STK3: variants seen among roughly 807,000 people sequenced by gnomAD.
STK3 encodes serine/threonine-protein kinase 3.
A neutral mutation model predicts 58.0 loss-of-function variants in STK3; 41 were observed. The observed-to-expected ratio is 0.71, with a 90% CI of 0.55 to 0.92. The LOEUF (loss-of-function observed/expected upper bound fraction) is 0.92. Ranked by LOEUF, STK3 falls within the 40% of genes least tolerant of loss-of-function variation. The pLI is 0.00. For missense variants in STK3, 479 were observed against 602.7 expected, an observed-to-expected ratio of 0.79 and a Z score of 2.15; for synonymous variants, 170 against 191.0, an observed-to-expected ratio of 0.89 and a Z score of 0.91.
At chr8:98,829,943 G>GA (rs1292412934), upstream of STK3, among the ~76,000 whole-genome samples, 2 of 152,086 alleles carry the variant, frequency 1.3e-5, no homozygotes, top group Non-Finnish European at 2.9e-5. Flanking sequence ...TGGAGGGGAA[G>GA]AGGCCGGACG....
At chr8:98,869,026 G>GGAAGGAAGGAAGGAAGGAAGGAAA (rs1837253290) in intron 3 of STK3, among the ~76,000 whole-genome samples, 2 of 41,768 alleles carry the variant, frequency 4.8e-5, no homozygotes, top group African/African-American at 1.5e-4. Context: ...AAGGAAAGAA[G>GGAAGGAAGGAAGGAAGGAAGGAAA]GAAGGAAGGA....
At chr8:98,651,846 C>T in intron 6 of STK3, 1 of 152,170 alleles carries the variant, frequency 6.6e-6, no homozygotes, top group East Asian at 1.9e-4. Flanking sequence ...AAGACCAGAT[C>T]TACGTCTGAT....
At chr8:98,604,310 C>A (rs1272641018) in intron 6 of STK3, among the ~76,000 whole-genome samples, 1 of 152,224 alleles carries the variant, frequency 6.6e-6, no homozygotes, top group Admixed American at 6.5e-5. Flanking sequence ...ATCCAGGGCA[C>A]ACTGATAAAA....
chr8:98,824,882 T>G (rs1835150461), intron 1 of STK3, among the ~76,000 whole-genome samples: 1 of 152,266 alleles, frequency 6.6e-6, no homozygotes, highest in Non-Finnish European at 1.5e-5. Context: ...TAATTCATTC[T>G]TGGGGAGAGA....
intron 1 of STK3, among the ~76,000 whole-genome samples, chr8:98,893,993 G>A (rs16897119): frequency 0.086 from 13,162 of 152,230 alleles, 624 homozygotes; most frequent in African/African-American, 0.1. Context: ...TCAGTATAGC[G>A]GAAGGATAAG....
chr8:98,432,319 C>A (rs141071916), intron 3 of STK3: 12 of 167,012 alleles, frequency 7.2e-5, no homozygotes, highest in African/African-American at 2.7e-4. Flanking sequence ...AGTGTCACTC[C>A]CAGCATTTGA....
At chr8:98,915,432 C>CTATATATAAATA (rs1839307304) in intron 1 of STK3, among the ~76,000 whole-genome samples, 6 of 94,720 alleles carry the variant, frequency 6.3e-5, no homozygotes, top group Non-Finnish European at 9.8e-5. Flanking sequence ...ATAAACTTTC[C>CTATATATAAATA]TATATATATA....
At chr8:98,735,834 T>C (rs181283400) in intron 4 of STK3, among the ~76,000 whole-genome samples, 1 of 152,292 alleles carries the variant, frequency 6.6e-6, no homozygotes, top group East Asian at 1.9e-4. Flanking sequence ...CACAACTTAA[T>C]TCTATGCCTT....
intron 8 of STK3, among the ~76,000 whole-genome samples, chr8:98,560,619 G>A (rs956982821): frequency 1.2e-4 from 18 of 152,112 alleles, no homozygotes; most frequent in Non-Finnish European, 2.1e-4. Flanking sequence ...CTAACTTGAT[G>A]TATAGATTTC....
At chr8:98,710,043 G>C (rs1343698910) in intron 4 of STK3, among the ~76,000 whole-genome samples, 1 of 151,798 alleles carries the variant, frequency 6.6e-6, no homozygotes, top group Non-Finnish European at 1.5e-5. Flanking sequence ...AACAAATAAA[G>C]GCATCCAAAC....
chr8:98,496,447 CA>C (rs1210055562), intron 10 of STK3, among the ~76,000 whole-genome samples: 2 of 152,000 alleles, frequency 1.3e-5, no homozygotes, highest in Non-Finnish European at 2.9e-5. Flanking sequence ...ATAAATTTAA[CA>C]AAAGAAATAT....
chr8:98,863,388 A>T (rs919978659), intron 3 of STK3, among the ~76,000 whole-genome samples: 1 of 152,168 alleles, frequency 6.6e-6, no homozygotes, highest in African/African-American at 2.4e-5. Flanking sequence ...TAAATGAATG[A>T]TATTAGGCAA....
At chr8:98,426,223 C>T (rs1048238746) in intron 3 of STK3, among the ~76,000 whole-genome samples, 3 of 152,214 alleles carry the variant, frequency 2.0e-5, no homozygotes, top group Admixed American at 2.0e-4. Flanking sequence ...ACACTGTACA[C>T]AGCACATGTA....
At chr8:98,889,312 G>T (rs935304650) in intron 1 of STK3, among the ~76,000 whole-genome samples, 1 of 152,142 alleles carries the variant, frequency 6.6e-6, no homozygotes, top group South Asian at 2.1e-4. Context: ...AGCAGAAATG[G>T]CTCTCTTTCA....
intron 4 of STK3, chr8:98,721,155 T>C: frequency 1.0e-6 from 1 of 974,060 alleles, no homozygotes; most frequent in South Asian, 4.8e-5. Flanking sequence ...AAACAGATGC[T>C]TAATTCTGCT....
At position 98,541,984 on chromosome 8, in the gene STK3, C is replaced by T. The variant is rs914832552; in HGVS notation, c.1141+5985G>A. Among the ~76,000 whole-genome samples the T allele has an allele frequency of 4.6e-5, 7 of 152,274 alleles. No homozygotes were observed. In the Middle Eastern group the frequency reaches 0.01, roughly 222 times the overall value. ...TAGTGATGTGATTCTAGTGTCAACCCTGTGTCTATATACTGGTTTCATCAC... is the reference window on the plus strand; with the variant it reads ...TAGTGATGTGATTCTAGTGTCAACCTTGTGTCTATATACTGGTTTCATCAC... On this transcript the variant is annotated intron_variant, in intron 9 of 10. Transcript: ENST00000419617.
intron 1 of STK3, among the ~76,000 whole-genome samples, chr8:98,912,829 G>T (rs72668442): frequency 0.064 from 9,732 of 152,216 alleles, 410 homozygotes; most frequent in South Asian, 0.1. Context: ...AGGTAACCAG[G>T]GCCATGTGAT....
chr8:98,434,837 A>C (rs1366473249), intron 2 of STK3, among the ~76,000 whole-genome samples: 1 of 152,166 alleles, frequency 6.6e-6, no homozygotes, highest in Non-Finnish European at 1.5e-5. Context: ...AACAGGATAG[A>C]GTGAATAAAG....
chr8:98,857,220 T>A (rs570890261), intron 3 of STK3, among the ~76,000 whole-genome samples: 6 of 152,358 alleles, frequency 3.9e-5, no homozygotes, highest in African/African-American at 1.4e-4. Flanking sequence ...ATGTGAATTA[T>A]ATCTCAATAA....
Sources: allele counts gnomAD v4.1 joint callset (sites outside exome capture counted in the v4.1 genomes callset), GRCh38; gene constraint gnomAD v4.1.1; transcripts MANE v1.5; gene names NCBI Gene and HGNC (gene_info 2026-07-23, HGNC 2026-07-21).